Variants in GLRA2 observed in about 807,000 individuals in gnomAD.
GLRA2 encodes glycine receptor subunit alpha-2.
Under a neutral mutation model 31.6 loss-of-function variants are expected in GLRA2, and 11 were observed. The ratio of observed to expected loss-of-function variants is 0.35; its 90% CI spans 0.22 to 0.58. The LOEUF (loss-of-function observed/expected upper bound fraction) is 0.58. Ranked by LOEUF, GLRA2 falls within the 20% of genes least tolerant of loss-of-function variation. The pLI is 0.84. For synonymous variants in GLRA2, 132 were observed against 134.0 expected (o/e 0.99, Z 0.10); for missense variants, 212 against 351.8 (o/e 0.60, Z 3.18).
intron 7 of GLRA2, among the ~76,000 whole-genome samples, chrX:14,649,785 G>A (rs1158809574): frequency 9.0e-6 from 1 of 111,565 alleles, no homozygotes; most frequent in East Asian, 2.8e-4. Flanking sequence ...CTCTCATCAG[G>A]ATACATGGAT....
At chrX:14,645,137 A>G (rs1392208883) in intron 7 of GLRA2, among the ~76,000 whole-genome samples, 1 of 111,998 alleles carries the variant, frequency 8.9e-6, no homozygotes, top group African/African-American at 3.2e-5. Flanking sequence ...GATCCATATT[A>G]ATAGCATAGG....
intron 7 of GLRA2, among the ~76,000 whole-genome samples, chrX:14,666,618 T>C (rs1195549039): frequency 3.6e-5 from 4 of 112,065 alleles, no homozygotes. Flanking sequence ...AATGGCCGGA[T>C]AGAAGTATAA....
At chrX:14,676,007 T>A (rs757398559) in intron 7 of GLRA2, among the ~76,000 whole-genome samples, 22 of 112,435 alleles carry the variant, frequency 2.0e-4, no homozygotes, top group African/African-American at 7.1e-4. Context: ...CAATAAAAGA[T>A]AAGTTGATTG....
the GLRA2 span, among the ~76,000 whole-genome samples, chrX:14,477,527 T>C: frequency 9.0e-6 from 1 of 111,429 alleles, no homozygotes; most frequent in African/African-American, 3.3e-5. Flanking sequence ...AGCAGAGATA[T>C]ATTGTTGGTT....
At chrX:14,534,538 G>A (rs3027321) in intron 2 of GLRA2, among the ~76,000 whole-genome samples, 1 of 110,386 alleles carries the variant, frequency 9.1e-6, no homozygotes, top group Non-Finnish European at 1.9e-5. Flanking sequence ...ATGTTCCCAT[G>A]GAATTTTATA....
the GLRA2 span, among the ~76,000 whole-genome samples, chrX:14,504,928 T>A: frequency 8.9e-6 from 1 of 111,787 alleles, no homozygotes; most frequent in Non-Finnish European, 1.9e-5. Context: ...TGAGTATGGG[T>A]CTAGGAACTT....
chrX:14,455,883 C>T, the GLRA2 span, among the ~76,000 whole-genome samples: 1 of 111,510 alleles, frequency 9.0e-6, no homozygotes, highest in Admixed American at 9.5e-5. Context: ...CTTTAATGTT[C>T]AATTTGCTAA....
At chrX:14,485,551 A>G in the GLRA2 span, among the ~76,000 whole-genome samples, 24 of 111,912 alleles carry the variant, frequency 2.1e-4, no homozygotes, top group Admixed American at 1.2e-3. Flanking sequence ...TAGTCAAGGA[A>G]ATTAACATAT....
chrX:14,479,088 A>G, the GLRA2 span, among the ~76,000 whole-genome samples: 1 of 110,802 alleles, frequency 9.0e-6, no homozygotes, highest in African/African-American at 3.3e-5. Context: ...TGCCGGAATG[A>G]GAGAAGACAG....
At chrX:14,608,908 T>C in intron 6 of GLRA2, 83 bp from the exon 7 acceptor site, 1 of 502,209 alleles carries the variant, frequency 2.0e-6, no homozygotes, top group South Asian at 3.2e-5. Flanking sequence ...GTCTTTTTTT[T>C]TTTTTTTTTT....
chrX:14,477,111 A>T, the GLRA2 span, among the ~76,000 whole-genome samples: 1 of 111,489 alleles, frequency 9.0e-6, no homozygotes. Flanking sequence ...AGTGCTTCCC[A>T]GGGAAAGATA....
intron 8 of GLRA2, among the ~76,000 whole-genome samples, chrX:14,695,847 T>C (rs917549214): frequency 9.0e-6 from 1 of 111,122 alleles, no homozygotes; most frequent in East Asian, 2.8e-4. Flanking sequence ...AAGTATTAAA[T>C]AGTAGTTTGG....
intron 7 of GLRA2, among the ~76,000 whole-genome samples, chrX:14,609,841 G>A (rs748085035): frequency 1.5e-4 from 17 of 111,670 alleles, no homozygotes; most frequent in African/African-American, 5.5e-4. Flanking sequence ...TCCTAGAAAT[G>A]TGGCATGGTG....
rs919096293 is a variant in GLRA2 at position 14,648,226 on chromosome X, G to T, written c.930+39021G>T. On this transcript the variant is annotated intron_variant, in intron 7 of 8. Transcript: ENST00000218075. The stretch of plus-strand genomic sequence containing the variant: ...ATAAACAAATAAGACTTATCACTAT[G>T]CATTGAAGCTTACAGTCTAGTGGGG... 5.4e-5 allele frequency among the ~76,000 whole-genome samples: 6 copies of T among 112,111 alleles called. No individual in the cohort carries two copies. In the South Asian group the frequency reaches 2.2e-3, roughly 41 times the overall value.
At chrX:14,681,784 C>G (rs1411924545) in intron 7 of GLRA2, among the ~76,000 whole-genome samples, 1 of 100,360 alleles carries the variant, frequency 1.0e-5, no homozygotes, top group Non-Finnish European at 2.0e-5. Flanking sequence ...CCCAGTTACT[C>G]GGCAGGCTGA....
At chrX:14,503,915 A>G in the GLRA2 span, among the ~76,000 whole-genome samples, 2 of 111,718 alleles carry the variant, frequency 1.8e-5, no homozygotes, top group African/African-American at 3.3e-5. Context: ...GAGAACCACC[A>G]CTTTGATTTA....
chrX:14,455,613 A>G, the GLRA2 span, among the ~76,000 whole-genome samples: 2,549 of 111,409 alleles, frequency 0.023, 68 homozygotes, highest in African/African-American at 0.079. Flanking sequence ...TCTTGTTCCT[A>G]TATTTAATGG....
chrX:14,713,523 T>C (rs1333239810), intron 8 of GLRA2, among the ~76,000 whole-genome samples: 1 of 112,290 alleles, frequency 8.9e-6, no homozygotes, highest in Non-Finnish European at 1.9e-5. Flanking sequence ...AATAAAAACA[T>C]TTCTGCTTGA....
At chrX:14,569,497 A>G (rs1319241830) in intron 2 of GLRA2, among the ~76,000 whole-genome samples, 3 of 112,308 alleles carry the variant, frequency 2.7e-5, no homozygotes, top group African/African-American at 9.7e-5. Context: ...AATAGCCAGT[A>G]AGTACATGAA....
Sources: gnomAD v4.1 joint callset for allele counts (sites outside exome capture counted in the v4.1 genomes callset) on GRCh38, gnomAD v4.1.1 for gene constraint, MANE v1.5 for transcripts, NCBI Gene and HGNC (gene_info 2026-07-23, HGNC 2026-07-21) for gene names.